KCNAB1: variants seen among roughly 807,000 people sequenced by gnomAD.
KCNAB1 encodes the protein potassium voltage-gated channel subfamily A regulatory beta subunit 1.
Under a neutral mutation model 64.6 loss-of-function variants are expected in KCNAB1, and 35 were observed. The ratio of observed to expected loss-of-function variants is 0.54; its 90% CI spans 0.41 to 0.72. The LOEUF (loss-of-function observed/expected upper bound fraction) is 0.72. KCNAB1 is among the 30% of genes least tolerant of loss of function. The probability of loss-of-function intolerance (pLI) is 0.00; values close to 1 mark genes in which losing one functional copy is unlikely to be tolerated. For synonymous variants in KCNAB1, 177 were observed against 183.8 expected (o/e 0.96, Z 0.30); for missense variants, 401 against 512.9 (o/e 0.78, Z 2.11).
intron 8 of KCNAB1, among the ~76,000 whole-genome samples, chr3:156,487,908 A>T (rs183039914): frequency 7.9e-5 from 12 of 152,158 alleles, no homozygotes; most frequent in Non-Finnish European, 1.2e-4. Flanking sequence ...AAAAAAAAAT[A>T]AAAAATGGGT....
At chr3:156,446,120 C>A (rs1447836623) in intron 2 of KCNAB1, 3 of 152,166 alleles carry the variant, frequency 2.0e-5, no homozygotes, top group Non-Finnish European at 1.5e-5. Context: ...AGAATTTGGA[C>A]ATAAAGGCAT....
chr3:156,124,743 C>A (rs1577608055), intron 1 of KCNAB1, among the ~76,000 whole-genome samples: 1 of 152,210 alleles, frequency 6.6e-6, no homozygotes, highest in East Asian at 1.9e-4. Flanking sequence ...TATATGGAAT[C>A]TTTAACATTG....
At chr3:156,239,024 G>T (rs1717016868) in intron 1 of KCNAB1, among the ~76,000 whole-genome samples, 1 of 152,156 alleles carries the variant, frequency 6.6e-6, no homozygotes, top group African/African-American at 2.4e-5. Context: ...TTTACTCAGA[G>T]ATAAGACAAT....
chr3:156,264,199 G>A (rs1718574986), intron 1 of KCNAB1, among the ~76,000 whole-genome samples: 1 of 151,618 alleles, frequency 6.6e-6, no homozygotes, highest in African/African-American at 2.4e-5. Flanking sequence ...AATTTGTTTT[G>A]TTTGACAGTA....
At chr3:156,482,001 C>G (rs147460544) in intron 8 of KCNAB1, among the ~76,000 whole-genome samples, 1,578 of 152,102 alleles carry the variant, frequency 0.01, 15 homozygotes, top group South Asian at 0.03. Flanking sequence ...AGTCCAAGGC[C>G]CTGAAATTAT....
At chr3:156,519,439 T>C (rs1409166276) in intron 11 of KCNAB1, among the ~76,000 whole-genome samples, 14 of 152,236 alleles carry the variant, frequency 9.2e-5, no homozygotes, top group Non-Finnish European at 2.1e-4. Context: ...TTCATTCTCC[T>C]GTGGAATCCC....
intron 10 of KCNAB1, among the ~76,000 whole-genome samples, chr3:156,515,726 A>G (rs1717515787): frequency 6.6e-6 from 1 of 152,230 alleles, no homozygotes; most frequent in African/African-American, 2.4e-5. Context: ...TCTATATATA[A>G]TATACCCAAG....
intron 1 of KCNAB1, among the ~76,000 whole-genome samples, chr3:156,362,017 G>C (rs7634841): frequency 2.6e-5 from 4 of 152,032 alleles, no homozygotes; most frequent in African/African-American, 4.8e-5. Context: ...TGTGCCAAAC[G>C]TTGTTCTAGG....
intron 9 of KCNAB1, among the ~76,000 whole-genome samples, chr3:156,514,899 C>T (rs34282952): frequency 0.087 from 13,172 of 152,246 alleles, 612 homozygotes; most frequent in South Asian, 0.11. Context: ...CAAACCCTCC[C>T]AAAGAATTAA....
chr3:156,335,509 T>C (rs1436773246), intron 1 of KCNAB1, among the ~76,000 whole-genome samples: 1 of 152,258 alleles, frequency 6.6e-6, no homozygotes, highest in Non-Finnish European at 1.5e-5. Context: ...ACTATAGCTC[T>C]ATTTACTCCT....
At chr3:156,432,757 C>G (rs1050778135) in intron 2 of KCNAB1, among the ~76,000 whole-genome samples, 5 of 152,154 alleles carry the variant, frequency 3.3e-5, no homozygotes, top group Admixed American at 6.5e-5. Flanking sequence ...TTGGCCCTTG[C>G]TGAGCTGTTT....
At chr3:156,271,445 T>C (rs937102340) in intron 1 of KCNAB1, among the ~76,000 whole-genome samples, 29 of 152,368 alleles carry the variant, frequency 1.9e-4, no homozygotes, top group African/African-American at 6.7e-4. Context: ...TATTTCTTTT[T>C]TCTGCTTGAT....
intron 1 of KCNAB1, among the ~76,000 whole-genome samples, chr3:156,373,539 A>G (rs765946644): frequency 2.0e-5 from 3 of 152,258 alleles, no homozygotes; most frequent in Non-Finnish European, 4.4e-5. Context: ...AATGTTTATT[A>G]TCCTGTAAAT....
chr3:156,511,351 C>A (rs1466465301), intron 8 of KCNAB1, among the ~76,000 whole-genome samples: 1 of 152,196 alleles, frequency 6.6e-6, no homozygotes, highest in African/African-American at 2.4e-5. Flanking sequence ...GATCCACCCG[C>A]CTCGGCCTCC....
intron 1 of KCNAB1, among the ~76,000 whole-genome samples, chr3:156,191,711 A>G (rs1713577524): frequency 6.6e-6 from 1 of 152,160 alleles, no homozygotes; most frequent in African/African-American, 2.4e-5. Context: ...TTTCCCATTG[A>G]TATAATGCTA....
chr3:156,364,172 C>T (rs536341035), intron 1 of KCNAB1, among the ~76,000 whole-genome samples: 17 of 152,282 alleles, frequency 1.1e-4, no homozygotes, highest in African/African-American at 3.8e-4. Context: ...GGTAATCTGT[C>T]CCATTCCTCT....
At chr3:156,255,789 C>T (rs1335448565) in intron 1 of KCNAB1, among the ~76,000 whole-genome samples, 1 of 152,192 alleles carries the variant, frequency 6.6e-6, no homozygotes, top group Non-Finnish European at 1.5e-5. Flanking sequence ...ATGAATCTCT[C>T]CTTGGCACCC....
intron 1 of KCNAB1, among the ~76,000 whole-genome samples, chr3:156,179,000 CAAAAAAA>C (rs200144513): frequency 5.6e-5 from 6 of 108,076 alleles, no homozygotes; most frequent in Non-Finnish European, 9.0e-5. Flanking sequence ...GACTCCGTCT[CAAAAAAA>C]AAAAAAAAAA....
chr3:156,182,708 T>TTA lies in KCNAB1; in HGVS notation c.275+61823_275+61824insAT, dbSNP rs1448592133. 4.0e-5 allele frequency among the ~76,000 whole-genome samples: 6 copies of TTA among 150,928 alleles called. No homozygotes were observed. In the East Asian group the frequency reaches 5.8e-4, roughly 15 times the overall value. Reference sequence around the variant, plus strand: ...TAAAGTAAGACAATTTTTTTTTTTTTTTTTTATTTTGCGGAGTCTCTCTCT... The same window carrying TTA: ...TAAAGTAAGACAATTTTTTTTTTTTTTATTTTTATTTTGCGGAGTCTCTCTCT... On this transcript the variant is annotated intron_variant, in intron 1 of 13. Coordinates refer to ENST00000490337, the MANE Select transcript of KCNAB1 (RefSeq NM_172160.3).
Sources: allele counts gnomAD v4.1 joint callset (sites outside exome capture counted in the v4.1 genomes callset), GRCh38; gene constraint gnomAD v4.1.1; transcripts MANE v1.5; gene names NCBI Gene and HGNC (gene_info 2026-07-23, HGNC 2026-07-21).